PHF24: variants seen among roughly 807,000 people sequenced by gnomAD.
The protein encoded by PHF24 is Galpha inhibitory interacting protein.
PHF24 carries 25 observed loss-of-function variants against 42.6 expected under a neutral mutation model. That is an observed-to-expected ratio of 0.59 (90% confidence interval 0.43 to 0.82). The LOEUF (loss-of-function observed/expected upper bound fraction) is 0.82. Ranked by LOEUF, PHF24 falls within the 40% of genes least tolerant of loss-of-function variation. PHF24 has a pLI of 0.00. For synonymous variants in PHF24, 185 were observed against 204.8 expected, an observed-to-expected ratio of 0.90 and a Z score of 0.83; for missense variants, 470 against 538.1, an observed-to-expected ratio of 0.87 and a Z score of 1.25.
the PHF24 span, among the ~76,000 whole-genome samples, chr9:34,855,380 G>A: frequency 1.3e-5 from 2 of 152,166 alleles, no homozygotes; most frequent in South Asian, 2.1e-4. Flanking sequence ...ATTGATCTGT[G>A]TACTTCAGTG....
At chr9:34,875,950 ACTCT>A in the PHF24 span, among the ~76,000 whole-genome samples, 654 of 78,686 alleles carry the variant, frequency 8.3e-3, 8 homozygotes, top group African/African-American at 0.015. Flanking sequence ...ACACACACAC[ACTCT>A]CTCTCTCTCT....
chr9:34,802,711 C>G, the PHF24 span, among the ~76,000 whole-genome samples: 1 of 152,172 alleles, frequency 6.6e-6, no homozygotes, highest in Non-Finnish European at 1.5e-5. Flanking sequence ...CTCAAGTAGT[C>G]AAGAAATTCC....
At chr9:34,685,133 T>G in the PHF24 span, among the ~76,000 whole-genome samples, 1 of 152,116 alleles carries the variant, frequency 6.6e-6, no homozygotes, top group Non-Finnish European at 1.5e-5. Flanking sequence ...CACCTGCCGA[T>G]CAGACGCCTG....
At chr9:34,841,433 G>A in the PHF24 span, among the ~76,000 whole-genome samples, 1 of 152,074 alleles carries the variant, frequency 6.6e-6, no homozygotes, top group African/African-American at 2.4e-5. Flanking sequence ...TCAAATCCTT[G>A]TTTTCAGTCC....
chr9:34,768,389 G>T, the PHF24 span, among the ~76,000 whole-genome samples: 1 of 152,178 alleles, frequency 6.6e-6, no homozygotes, highest in African/African-American at 2.4e-5. Context: ...CTATTCTGGG[G>T]TGTATGTAAC....
chr9:34,850,247 C>T, the PHF24 span, among the ~76,000 whole-genome samples: 5 of 152,098 alleles, frequency 3.3e-5, no homozygotes, highest in Non-Finnish European at 7.4e-5. Context: ...ACCAATCAGA[C>T]GTAGATTTGG....
the PHF24 span, among the ~76,000 whole-genome samples, chr9:34,773,147 C>T: frequency 5.3e-5 from 8 of 152,162 alleles, no homozygotes; most frequent in East Asian, 3.9e-4. Flanking sequence ...TGCGACACCA[C>T]GCCCAGCTAG....
At chr9:34,711,383 C>T in the PHF24 span, among the ~76,000 whole-genome samples, 1 of 151,466 alleles carries the variant, frequency 6.6e-6, no homozygotes, top group African/African-American at 2.4e-5. Context: ...AGTAGTGGGG[C>T]CACCATGCCT....
At chr9:34,806,366 A>G in the PHF24 span, among the ~76,000 whole-genome samples, 1 of 152,102 alleles carries the variant, frequency 6.6e-6, no homozygotes, top group Non-Finnish European at 1.5e-5. Context: ...AAAAATCTTT[A>G]CTTAGCTTTT....
chr9:34,676,181 C>G, the PHF24 span, among the ~76,000 whole-genome samples: 18 of 152,112 alleles, frequency 1.2e-4, no homozygotes, highest in Non-Finnish European at 1.5e-4. Context: ...CAGGGCTGGG[C>G]TGTAGTAGCA....
the PHF24 span, among the ~76,000 whole-genome samples, chr9:34,820,414 TTTG>T: frequency 6.6e-6 from 1 of 152,080 alleles, no homozygotes. Context: ...GGCCCCAGTA[TTTG>T]TTGTTTCCTT....
the PHF24 span, among the ~76,000 whole-genome samples, chr9:34,883,072 T>C: frequency 7.9e-5 from 12 of 152,140 alleles, no homozygotes; most frequent in African/African-American, 2.4e-4. Context: ...TATCTACAAC[T>C]ATCTGATCTT....
the PHF24 span, among the ~76,000 whole-genome samples, chr9:34,881,119 T>A: frequency 6.6e-6 from 1 of 152,144 alleles, no homozygotes; most frequent in Non-Finnish European, 1.5e-5. Flanking sequence ...ACTGGGTACA[T>A]AATGAAATGA....
At chr9:34,878,523 G>T in the PHF24 span, among the ~76,000 whole-genome samples, 2 of 152,310 alleles carry the variant, frequency 1.3e-5, no homozygotes, top group Middle Eastern at 6.8e-3. Context: ...CCCTAATACT[G>T]TGCTTTTCCA....
the PHF24 span, among the ~76,000 whole-genome samples, chr9:34,876,002 C>T: frequency 7.6e-6 from 1 of 131,282 alleles, no homozygotes; most frequent in Non-Finnish European, 1.6e-5. Flanking sequence ...CTTCCAAGTC[C>T]CTAGCTGGAT....
chr9:34,843,374 T>C, the PHF24 span, among the ~76,000 whole-genome samples: 2 of 152,162 alleles, frequency 1.3e-5, no homozygotes, highest in Admixed American at 1.3e-4. Context: ...AAATAAAAAT[T>C]GTAACAAGTT....
chr9:34,980,742 T>C (rs41314573), exon 8 of PHF24: 17 of 152,336 alleles, frequency 1.1e-4, no homozygotes, highest in African/African-American at 2.2e-4. Context: ...AGTACAAATA[T>C]TAGCGTTTGG....
intron 1 of PHF24, among the ~76,000 whole-genome samples, chr9:34,966,826 C>T (rs533009476): frequency 2.0e-5 from 3 of 152,228 alleles, no homozygotes; most frequent in Admixed American, 6.5e-5. Context: ...TTCAGCCTCC[C>T]GAGTAGCTGG....
the PHF24 span, among the ~76,000 whole-genome samples, chr9:34,713,875 G>A: frequency 6.6e-6 from 1 of 152,104 alleles, no homozygotes; most frequent in African/African-American, 2.4e-5. Context: ...GCTTATGACA[G>A]GATAGGGAAA....
Sources: allele counts gnomAD v4.1 joint callset (sites outside exome capture counted in the v4.1 genomes callset), GRCh38; gene constraint gnomAD v4.1.1; transcripts MANE v1.5; gene names NCBI Gene and HGNC (gene_info 2026-07-23, HGNC 2026-07-21).